AMBP: variants seen among roughly 807,000 people sequenced by gnomAD.
The protein encoded by AMBP is protein AMBP.
AMBP carries 37 observed loss-of-function variants against 46.3 expected under a neutral mutation model. The observed-to-expected ratio is 0.80, with a 90% CI of 0.61 to 1.05. AMBP has a LOEUF of 1.05. Among genes scored for constraint, AMBP ranks in the 50% least tolerant of loss-of-function variants. AMBP has a pLI of 0.00. For synonymous variants in AMBP, 174 were observed against 175.9 expected, an observed-to-expected ratio of 0.99 and a Z score of 0.09; for missense variants, 475 against 461.2, an observed-to-expected ratio of 1.03 and a Z score of -0.27.
Position 114,076,859 on chromosome 9 carries a change from CTT to C in AMBP, c.118-121_118-120del, listed in dbSNP as rs1846818445. The C allele has an allele frequency of 1.2e-5, 16 of 1,286,638 alleles. 1 individual carries two copies. Among genetic ancestry groups the C allele is most frequent in the Middle Eastern group, 3.8e-4 (2 of 5,200 alleles). The allele number at this position is 1,286,638 out of a possible 1,614,324, so 79.7% of individuals were successfully genotyped here. On this transcript the variant is annotated intron_variant, in intron 1 of 9. Transcript: ENST00000265132. ...TTCCTCCTCCTTCTCCTCAAAATGACTTATCCTTTTAAGGGATAATGTCTTAC... is the reference window on the plus strand; with the variant it reads ...TTCCTCCTCCTTCTCCTCAAAATGACATCCTTTTAAGGGATAATGTCTTAC...
intron 6 of AMBP, among the ~76,000 whole-genome samples, chr9:114,068,562 T>C (rs1359888885): frequency 6.6e-6 from 1 of 151,752 alleles, no homozygotes; most frequent in Non-Finnish European, 1.5e-5. Flanking sequence ...GCCAAGATCA[T>C]GCAGCTGCAC....
intron 6 of AMBP, among the ~76,000 whole-genome samples, chr9:114,066,939 A>G (rs574284938): frequency 6.6e-6 from 1 of 151,876 alleles, no homozygotes; most frequent in Non-Finnish European, 1.5e-5. Context: ...ATGTGTTGTT[A>G]TTATTATTAT....
In AMBP at chr9:114,062,744, A is replaced by G; in HGVS notation, c.618T>C (p.Ala206=). The G allele has an allele frequency of 6.2e-7, 1 of 1,614,144 alleles. No homozygotes were observed. Among genetic ancestry groups the G allele is most frequent in the Non-Finnish European group, 8.5e-7 (1 of 1,180,036 alleles). ...EPILIPRVRR[A]VLPQEEEGSG... Reference sequence around the variant, plus strand: ...ATCCTTCCTCTTCTTGGGGTAGCACAGCCCTCCGGACTCTCTGCGGGGGAG... The same window carrying G: ...ATCCTTCCTCTTCTTGGGGTAGCACGGCCCTCCGGACTCTCTGCGGGGGAG... Residue 206 remains alanine, a synonymous_variant, in exon 7 of 10, where the codon GCT becomes GCC. Coordinates refer to ENST00000265132, the MANE Select transcript of AMBP (RefSeq NM_001633.4).
Position 114,060,968 on chromosome 9 carries a change from G to C in AMBP, c.984C>G (p.Tyr328Ter). The C allele has an allele frequency of 6.2e-7, 1 of 1,614,254 alleles. No individual in the cohort carries two copies. Among genetic ancestry groups the C allele is most frequent in the Non-Finnish European group, 8.5e-7 (1 of 1,180,042 alleles). ...GGCQGNGNKF[Y>*]SEKECREYCG... is the part of the protein sequence containing the mutation. ...AGTACTCTCTGCACTCCTTCTCTGA[G>C]TAGAACTTGTTCCCGTTGCCCTGGC... The change falls in exon 9 of 10, where the codon TAC becomes TAG. Residue 328 changes from tyrosine to a stop codon, truncating the protein, a stop_gained. Coordinates refer to ENST00000265132, the MANE Select transcript of AMBP (RefSeq NM_001633.4). LOFTEE classifies it high-confidence loss of function.
At chr9:114,067,002 G>A (rs538789527) in intron 6 of AMBP, among the ~76,000 whole-genome samples, 31 of 151,990 alleles carry the variant, frequency 2.0e-4, no homozygotes, top group South Asian at 4.2e-4. Context: ...GTGCAATGGC[G>A]CGATCACGGC....
intron 6 of AMBP, among the ~76,000 whole-genome samples, chr9:114,068,467 G>A (rs146023914): frequency 1.1e-4 from 16 of 151,978 alleles, no homozygotes; most frequent in East Asian, 3.9e-4. Context: ...TTAGCCAAGC[G>A]TGGTAGTGGG....
chr9:114,069,577 T>C, intron 6 of AMBP, 122 bp downstream of exon 6: 1 of 939,004 alleles, frequency 1.1e-6, no homozygotes, highest in South Asian at 1.5e-5. Flanking sequence ...TGGCCATCGC[T>C]GCCTTCTCTC....
At chr9:114,069,616 C>T (rs569151263) in intron 6 of AMBP, 83 bp downstream of exon 6, 41 of 1,366,136 alleles carry the variant, frequency 3.0e-5, no homozygotes, top group African/African-American at 5.7e-5. Flanking sequence ...TGCCTCCCCC[C>T]GCAGCAGGAT....
intron 6 of AMBP, among the ~76,000 whole-genome samples, chr9:114,064,779 AAC>A (rs1249134008): frequency 1.3e-5 from 2 of 152,232 alleles, no homozygotes; most frequent in African/African-American, 4.8e-5. Flanking sequence ...CAAGGAAAAA[AAC>A]ACAAGACATT....
chr9:114,073,786 A>T (rs1846771517), intron 4 of AMBP, among the ~76,000 whole-genome samples: 2 of 152,180 alleles, frequency 1.3e-5, no homozygotes, highest in South Asian at 4.1e-4. Flanking sequence ...GGTGTGAGCC[A>T]CAGCCCCCAG....
intron 6 of AMBP, among the ~76,000 whole-genome samples, chr9:114,067,787 C>A (rs184647727): frequency 6.6e-6 from 1 of 152,032 alleles, no homozygotes; most frequent in East Asian, 1.9e-4. Context: ...GACTGTTGCA[C>A]CCAAGCAAAA....
Position 114,061,565 on chromosome 9 carries a change from C to T in AMBP, c.712G>A (p.Gly238Ser), listed in dbSNP as rs143992768. The T allele has an allele frequency of 8.1e-5, 130 of 1,606,594 alleles. No homozygotes were observed. Among genetic ancestry groups the T allele is most frequent in the Non-Finnish European group, 9.9e-5 (116 of 1,174,686 alleles). Residue 238 changes from glycine to serine, a missense_variant, in exon 8 of 10, where the codon GGT becomes AGT. This residue lies in a region of AMBP where 293 missense variants were observed against 276.9 expected (regional missense o/e 1.06). Coordinates refer to ENST00000265132, the MANE Select transcript of AMBP (RefSeq NM_001633.4). ...EDSCQLGYSA[G>S]PCMGMTSRYF... ...CTGCTGGTCATTCCCATGCAGGGAC[C>T]GGCCGAGTAGCCCAGCTGGCAGGAA...
intron 6 of AMBP, among the ~76,000 whole-genome samples, chr9:114,067,232 C>G (rs1846703859): frequency 6.6e-6 from 1 of 152,084 alleles, no homozygotes; most frequent in South Asian, 2.1e-4. Context: ...GCCACTATGC[C>G]TGGCTCAGGA....
chr9:114,076,969 A>T (rs1173379055), intron 1 of AMBP, among the ~76,000 whole-genome samples: 3 of 152,180 alleles, frequency 2.0e-5, no homozygotes, highest in Non-Finnish European at 4.4e-5. Flanking sequence ...CCCAGGAAGC[A>T]GGTGTGCGGC....
chr9:114,060,340 G>T (rs2269455), intron 9 of AMBP, 70 bp from the exon 10 acceptor site: 9 of 1,535,900 alleles, frequency 5.9e-6, no homozygotes, highest in Admixed American at 5.2e-5. Flanking sequence ...AGCAGCTGTC[G>T]CCTGGGGCCA....
In AMBP at chr9:114,061,576, C is replaced by T. The variant is rs201410458; in HGVS notation, c.701G>A (p.Gly234Asp). The change falls in exon 8 of 10, where the codon GGC (glycine) becomes GAC (aspartate). Residue 234 changes from glycine to aspartate, a missense_variant. Gly to Asp is a moderately conservative substitution (Grantham distance 94). Around this residue, in one of 3 missense-constraint regions of AMBP, gnomAD observed 293 missense variants for 276.9 expected, o/e 1.06. Coordinates refer to ENST00000265132, the MANE Select transcript of AMBP (RefSeq NM_001633.4). ...TCCCATGCAGGGACCGGCCGAGTAGCCCAGCTGGCAGGAATCTAGGGAGGG... is the reference window on the plus strand; with the variant it reads ...TCCCATGCAGGGACCGGCCGAGTAGTCCAGCTGGCAGGAATCTAGGGAGGG... ...VTKKEDSCQL[G>D]YSAGPCMGMT... The T allele has an allele frequency of 1.9e-6, 3 of 1,601,148 alleles. No individual in the cohort carries two copies. Among genetic ancestry groups the T allele is most frequent in the Non-Finnish European group, 2.6e-6 (3 of 1,171,288 alleles).
chr9:114,060,386 G>C, intron 9 of AMBP, 116 bp from the exon 10 acceptor site: 1 of 1,110,472 alleles, frequency 9.0e-7, no homozygotes, highest in Non-Finnish European at 1.3e-6. Flanking sequence ...ATCTCCAAAG[G>C]GTATTCCATG....
chr9:114,076,489 A>G, intron 2 of AMBP, 109 bp downstream of exon 2: 1 of 1,484,872 alleles, frequency 6.7e-7, no homozygotes, highest in Non-Finnish European at 9.0e-7. Flanking sequence ...GTTCAGCGGG[A>G]AGGTCCTGAC....
At chr9:114,063,869 A>C (rs1272982791) in intron 6 of AMBP, among the ~76,000 whole-genome samples, 1 of 152,268 alleles carries the variant, frequency 6.6e-6, no homozygotes, top group African/African-American at 2.4e-5. Flanking sequence ...AATCCACATA[A>C]TAGGATTTCC....
Sources: allele counts gnomAD v4.1 joint callset (sites outside exome capture counted in the v4.1 genomes callset), GRCh38; gene constraint gnomAD v4.1.1; regional missense constraint gnomAD v4.1.1; transcripts MANE v1.5; gene names NCBI Gene and HGNC (gene_info 2026-07-23, HGNC 2026-07-21).